Variants in CFAP36 observed in about 807,000 individuals in gnomAD.
The protein encoded by CFAP36 is cilia and flagella associated protein 36.
In CFAP36, 37 loss-of-function variants were observed where a neutral mutation model predicts 50.5. That is an observed-to-expected ratio of 0.73 (90% CI 0.56 to 0.96). The LOEUF is 0.96. CFAP36 is among the 50% of genes least tolerant of loss of function. The pLI is 0.00. For missense variants in CFAP36, 407 were observed against 396.2 expected, an observed-to-expected ratio of 1.03 and a Z score of -0.23; for synonymous variants, 138 against 128.2, an observed-to-expected ratio of 1.08 and a Z score of -0.52.
At chr2:55,521,633 TTC>T (rs1684069414) in intron 1 of CFAP36, among the ~76,000 whole-genome samples, 1 of 150,826 alleles carries the variant, frequency 6.6e-6, no homozygotes, top group Non-Finnish European at 1.5e-5. Context: ...ATATTTTTTT[TTC>T]TTTTTTTTTT....
At chr2:55,540,601 G>A (rs1482081076) in intron 7 of CFAP36, among the ~76,000 whole-genome samples, 1 of 152,102 alleles carries the variant, frequency 6.6e-6, no homozygotes, top group South Asian at 2.1e-4. Flanking sequence ...ATAAATGTTA[G>A]AATCTGTTTG....
chr2:55,539,358 A>C (rs1260203722), intron 7 of CFAP36: 1 of 152,344 alleles, frequency 6.6e-6, no homozygotes, highest in Non-Finnish European at 1.5e-5. Context: ...ATATAGTTGA[A>C]ATCATACAGT....
intron 9 of CFAP36, 21 bp downstream of exon 9, chr2:55,544,390 T>C (rs374822899): frequency 6.3e-7 from 1 of 1,581,802 alleles, no homozygotes; most frequent in South Asian, 1.2e-5. Flanking sequence ...CCTTAATATG[T>C]CAAGATTTAC....
At chr2:55,528,551 A>T (rs768237658) in intron 3 of CFAP36, among the ~76,000 whole-genome samples, 8 of 151,802 alleles carry the variant, frequency 5.3e-5, no homozygotes, top group Non-Finnish European at 1.2e-4. Context: ...GCACCACCGC[A>T]CCTGGCTAAT....
chr2:55,534,887 G>T (rs1268604297), intron 5 of CFAP36, among the ~76,000 whole-genome samples: 1 of 152,142 alleles, frequency 6.6e-6, no homozygotes, highest in Non-Finnish European at 1.5e-5. Context: ...TTAATTTCGG[G>T]GGTTTGAGTG....
intron 3 of CFAP36, among the ~76,000 whole-genome samples, chr2:55,526,501 G>T (rs1235684545): frequency 6.6e-6 from 1 of 152,118 alleles, no homozygotes; most frequent in Non-Finnish European, 1.5e-5. Flanking sequence ...GACTGCAGTC[G>T]CTCAGTCATA....
At chr2:55,537,384 A>C in intron 6 of CFAP36, 99 bp from the exon 7 acceptor site, 1 of 845,812 alleles carries the variant, frequency 1.2e-6, no homozygotes. Flanking sequence ...AGAAAAAAAA[A>C]AGAAAACTAT....
chr2:55,523,363 C>T (rs868603684), intron 2 of CFAP36, among the ~76,000 whole-genome samples: 1 of 151,404 alleles, frequency 6.6e-6, no homozygotes, highest in Middle Eastern at 3.4e-3. Context: ...TGCAGTGAGC[C>T]GAGATCGTAC....
At chr2:55,531,402 T>C (rs915931782) in intron 4 of CFAP36, 8 of 152,218 alleles carry the variant, frequency 5.3e-5, no homozygotes, top group African/African-American at 1.7e-4. Context: ...GGAATAAATA[T>C]ATATCTTGTA....
chr2:55,521,625 ATT>A (rs1457052177), intron 1 of CFAP36, among the ~76,000 whole-genome samples: 1 of 128,174 alleles, frequency 7.8e-6, no homozygotes, highest in Non-Finnish European at 1.6e-5. Flanking sequence ...GTGTGTGTAT[ATT>A]TTTTTTTCTT....
intron 7 of CFAP36, among the ~76,000 whole-genome samples, chr2:55,540,520 T>G (rs571028851): frequency 2.5e-4 from 38 of 152,236 alleles, no homozygotes; most frequent in Admixed American, 3.3e-4. Context: ...GTCTCCAAGT[T>G]GGGTAGTGTC....
At chr2:55,531,750 T>C (rs998604861) in intron 4 of CFAP36, among the ~76,000 whole-genome samples, 1 of 152,186 alleles carries the variant, frequency 6.6e-6, no homozygotes, top group African/African-American at 2.4e-5. Flanking sequence ...TTGATTAGGA[T>C]TGGGGTCACT....
chr2:55,544,914 C>G lies in CFAP36; in HGVS notation c.935C>G (p.Thr312Arg), dbSNP rs772367986. 4.4e-6 allele frequency: 7 copies of G among 1,585,898 alleles called. No individual in the cohort carries two copies. The highest frequency in any genetic ancestry group is 6.0e-6 in the Non-Finnish European group (7 of 1,169,440). ...GKPTGEVEEM[T>R]EKPEMTAEEK... ...TTTTTCTTTTTTTTTCAGGAAATGA[C>G]AGAGAAACCAGAAATGACAGCAGAG... Residue 312 changes from threonine (T) to arginine (R), a missense_variant, in exon 10 of 10, where the codon ACA (threonine) becomes AGA (arginine). Coordinates refer to ENST00000349456, the MANE Select transcript of CFAP36 (RefSeq NM_080667.7).
intron 4 of CFAP36, 92 bp downstream of exon 4, chr2:55,529,084 T>G: frequency 3.6e-6 from 3 of 843,744 alleles, no homozygotes; most frequent in Non-Finnish European, 5.4e-6. Flanking sequence ...AGCTGTCTCA[T>G]GTACATTTAT....
chr2:55,541,176 T>C (rs752159591), intron 7 of CFAP36, among the ~76,000 whole-genome samples: 78 of 151,820 alleles, frequency 5.1e-4, no homozygotes, highest in Non-Finnish European at 1.0e-3. Context: ...TACAAAAAAT[T>C]AGCTGGGCAT....
intron 7 of CFAP36, chr2:55,538,923 T>C (rs779145495): frequency 1.0e-4 from 146 of 1,436,930 alleles, no homozygotes; most frequent in Non-Finnish European, 1.3e-4. Flanking sequence ...CCATTAATTT[T>C]TTAATGTAAG....
At position 55,544,894 on chromosome 2, in the gene CFAP36, C is replaced by CT. The variant is rs142096038; in HGVS notation, c.928-4dup. ...TATTTCATACTGTAGCCAATTTTTT[C>CT]TTTTTTTTTCAGGAAATGACAGAGA... On this transcript the variant is annotated splice_polypyrimidine_tract_variant and intron_variant, in intron 9 of 9. Coordinates refer to ENST00000349456, the MANE Select transcript of CFAP36 (RefSeq NM_080667.7). 9,786 of 1,501,930 alleles carry CT rather than the reference C, an allele frequency of 6.5e-3. 327 individuals are homozygous for CT. The African/African-American group carries it at 0.098, about 15-fold the overall frequency. The allele number at this position is 1,501,930 out of a possible 1,614,324, so 93.0% of individuals were successfully genotyped here. A position where few individuals can be genotyped will look rare whatever the true frequency, so the allele number is the denominator to read the frequency against.
chr2:55,540,770 G>T (rs1436927192), intron 7 of CFAP36, among the ~76,000 whole-genome samples: 1 of 152,104 alleles, frequency 6.6e-6, no homozygotes, highest in Non-Finnish European at 1.5e-5. Context: ...TAGCATTTTG[G>T]GAGGCCAAGG....
chr2:55,522,058 ATGATTTGGTT>A (rs1684082375), intron 1 of CFAP36, 34 bp from the exon 2 acceptor site: 1 of 993,040 alleles, frequency 1.0e-6, no homozygotes, highest in South Asian at 1.5e-5. Context: ...CATTAATAAA[ATGATTTGGTT>A]TTTACACTAT....
Sources: gnomAD v4.1 joint callset for allele counts (sites outside exome capture counted in the v4.1 genomes callset) on GRCh38, gnomAD v4.1.1 for gene constraint, MANE v1.5 for transcripts, NCBI Gene and HGNC (gene_info 2026-07-23, HGNC 2026-07-21) for gene names.